The following MUC22 variants were observed in gnomAD, a reference collection of about 807,000 sequenced individuals.
MUC22 encodes the protein mucin 22.
A neutral mutation model predicts 40.3 loss-of-function variants in MUC22; 24 were observed. The observed-to-expected ratio is 0.60, with a 90% confidence interval of 0.43 to 0.84. MUC22 has a LOEUF of 0.84. MUC22 is among the 40% of genes least tolerant of loss of function. The pLI, the probability that MUC22 is intolerant of heterozygous loss-of-function variation, is 0.00. For synonymous variants in MUC22, 765 were observed against 844.5 expected (o/e 0.91, Z 1.63); for missense variants, 1,926 against 2,130.7 (o/e 0.90, Z 1.89).
intron 1 of MUC22, among the ~76,000 whole-genome samples, chr6:31,023,629 C>T (rs908796183): frequency 6.6e-6 from 1 of 152,138 alleles, no homozygotes; most frequent in East Asian, 1.9e-4. Context: ...GAGATTGACA[C>T]ATTGGTTAAA....
exon 2 of MUC22, chr6:31,025,887 C>T (rs752336029): frequency 6.5e-7 from 1 of 1,535,294 alleles, no homozygotes; most frequent in Non-Finnish European, 8.7e-7. Flanking sequence ...CTGAGACTAC[C>T]ATGGCCTCCA....
chr6:31,021,705 A>C (rs777006759), intron 1 of MUC22, among the ~76,000 whole-genome samples: 2 of 152,084 alleles, frequency 1.3e-5, no homozygotes, highest in African/African-American at 4.8e-5. Flanking sequence ...GAACCTTTGT[A>C]TGTAGCTCAG....
intron 1 of MUC22, among the ~76,000 whole-genome samples, chr6:31,021,949 A>G (rs1764809862): frequency 6.6e-6 from 1 of 151,888 alleles, no homozygotes; most frequent in Non-Finnish European, 1.5e-5. Context: ...TGTAACACTC[A>G]CCGTAAAGGT....
chr6:31,024,490 G>A (rs1322352759), intron 1 of MUC22, among the ~76,000 whole-genome samples: 1 of 151,940 alleles, frequency 6.6e-6, no homozygotes, highest in Non-Finnish European at 1.5e-5. Context: ...ATTAACCAGA[G>A]TATGTTATTC....
intron 1 of MUC22, among the ~76,000 whole-genome samples, chr6:31,017,302 A>G (rs9262480): frequency 0.14 from 22,005 of 152,010 alleles, 1,758 homozygotes; most frequent in African/African-American, 0.19. Context: ...ATGTCTAGCT[A>G]AGGGATTGTA....
rs1457637709 is a variant in MUC22 at position 31,011,565 on chromosome 6, T to C, written c.70+789T>C. Among the ~76,000 whole-genome samples the C allele has an allele frequency of 6.6e-6, 1 of 152,248 alleles. No homozygotes were observed. The highest frequency in any genetic ancestry group is 1.5e-5 in the Non-Finnish European group (1 of 68,048). Reference sequence around the variant, plus strand: ...GCTGAGTAGTATTCCATCGTATATATATGCCAGTTTCTTTATCCACCGTTG... The same window carrying C: ...GCTGAGTAGTATTCCATCGTATATACATGCCAGTTTCTTTATCCACCGTTG... On this transcript the variant is annotated intron_variant, in intron 1 of 3. Coordinates refer to ENST00000561890, the Ensembl canonical transcript of MUC22. This position sits in a 1 kb window ranked among gnomAD's most constrained non-coding sequence, Gnocchi z 4.5.
upstream of MUC22, chr6:31,010,362 G>A (rs747870248): frequency 1.2e-5 from 3 of 246,544 alleles, no homozygotes; most frequent in African/African-American, 2.2e-5. Context: ...CTCTCCAAAC[G>A]GCCCTGCAGA....
chr6:31,027,649 A>G (rs1250547837), exon 2 of MUC22: 2 of 1,530,350 alleles, frequency 1.3e-6, no homozygotes, highest in Non-Finnish European at 1.7e-6. Context: ...CACAGCCTCT[A>G]ATACAGGCTT....
At chr6:31,007,908 C>G (rs1763615314), upstream of MUC22, among the ~76,000 whole-genome samples, 1 of 152,350 alleles carries the variant, frequency 6.6e-6, no homozygotes, top group Admixed American at 6.5e-5. This position sits in a 1 kb window ranked among gnomAD's most constrained non-coding sequence, Gnocchi z 4.0. Context: ...GCAACCTGCT[C>G]TTAACTCATT....
At position 31,028,436 on chromosome 6, in the gene MUC22, C is replaced by T. The variant is rs1475976856; in HGVS notation, c.3005C>T (p.Ser1002Phe). 3 of 1,533,040 alleles carry T rather than the reference C, an allele frequency of 2.0e-6. No homozygotes were observed. In the South Asian group the frequency reaches 3.6e-5, roughly 18 times the overall value. The allele number at this position is 1,533,040 out of a possible 1,614,324, so 95.0% of individuals were successfully genotyped here. The change falls in exon 2 of 4, where the codon TCC becomes TTC. Residue 1002 changes from serine to phenylalanine, a missense_variant. Around this residue, in one of 3 missense-constraint regions of MUC22, gnomAD observed 1,281 missense variants for 1,337.8 expected, o/e 0.96. Transcript: ENST00000561890. ...ACCACCACAGCCTCTACTGAAGGCT[C>T]CGAGACCACCTCAGCCTCTACTACA... is the stretch of plus-strand genomic sequence containing the variant.
exon 2 of MUC22, chr6:31,028,566 C>G (rs1031195097): frequency 3.3e-6 from 5 of 1,533,954 alleles, no homozygotes; most frequent in African/African-American, 1.4e-5. Flanking sequence ...CTGAGACCAC[C>G]AAGGTCTCCA....
chr6:31,034,743 G>A (rs1466578448), exon 4 of MUC22: 3 of 1,535,588 alleles, frequency 2.0e-6, no homozygotes, highest in Non-Finnish European at 2.6e-6. Context: ...GCCTTGGTCT[G>A]GACCTGAACT....
At chr6:31,029,915 G>A (rs9262549) in exon 2 of MUC22, 1 of 1,533,752 alleles carries the variant, frequency 6.5e-7, no homozygotes, top group Non-Finnish European at 8.7e-7. Context: ...GGCTCTGAGA[G>A]CACCATAGCT....
intron 3 of MUC22, among the ~76,000 whole-genome samples, chr6:31,033,764 A>C (rs75276287): frequency 0.026 from 4,029 of 152,324 alleles, 163 homozygotes; most frequent in South Asian, 0.15. Flanking sequence ...ACTACAAATC[A>C]GCACTTTTCC....
At chr6:31,024,416 C>A (rs1765106056) in intron 1 of MUC22, among the ~76,000 whole-genome samples, 1 of 150,682 alleles carries the variant, frequency 6.6e-6, no homozygotes, top group African/African-American at 2.4e-5. Flanking sequence ...GAAAAGGGTT[C>A]TTTGTGTTAT....
chr6:31,020,502 T>G (rs566942525), intron 1 of MUC22, among the ~76,000 whole-genome samples: 7 of 144,670 alleles, frequency 4.8e-5, no homozygotes, highest in South Asian at 2.3e-4. Context: ...TGGAGCGTAA[T>G]GGCACGATCT....
intron 1 of MUC22, among the ~76,000 whole-genome samples, chr6:31,012,035 C>T (rs1038476173): frequency 5.9e-5 from 9 of 152,276 alleles, no homozygotes; most frequent in African/African-American, 1.9e-4. Context: ...AATTGGGCTC[C>T]GTGTGACTCC....
At chr6:31,006,996 A>C (rs1420680970), upstream of MUC22, among the ~76,000 whole-genome samples, 1 of 152,148 alleles carries the variant, frequency 6.6e-6, no homozygotes, top group Non-Finnish European at 1.5e-5. Context: ...CTTAAAGTAA[A>C]ATAAAATTTA....
In MUC22 at chr6:31,011,198, C is replaced by G. The variant is rs1763846496; in HGVS notation, c.70+422C>G. On this transcript the variant is annotated intron_variant, in intron 1 of 3. Coordinates refer to ENST00000561890, the Ensembl canonical transcript of MUC22. This position sits in a 1 kb window ranked among gnomAD's most constrained non-coding sequence, Gnocchi z 4.5. ...GTCAAGTAAAAATCCTTCAATCCTT[C>G]TTTGTTTTTTTTCCATAGGTTATTT... is the stretch of plus-strand genomic sequence containing the variant. Among the ~76,000 whole-genome samples, 1 of 127,338 alleles carries G rather than the reference C, an allele frequency of 7.9e-6. No homozygotes were observed. Among genetic ancestry groups the G allele is most frequent in the Non-Finnish European group, 1.9e-5 (1 of 53,764 alleles). The allele number at this position is 127,338 out of a possible 152,430, so 83.5% of individuals were successfully genotyped here.
Sources: gnomAD v4.1 joint callset for allele counts (sites outside exome capture counted in the v4.1 genomes callset) on GRCh38, gnomAD v4.1.1 for gene constraint, gnomAD v4.1.1 regional missense constraint, Gnocchi (gnomAD v3.1) non-coding constraint, MANE v1.5 for transcripts, NCBI Gene and HGNC (gene_info 2026-07-23, HGNC 2026-07-21) for gene names.